Variants in TRRAP observed in about 807,000 individuals in gnomAD.
The protein encoded by TRRAP is transformation/transcription domain associated protein.
TRRAP carries 41 observed loss-of-function variants against 438.8 expected under a neutral mutation model. That is an observed-to-expected ratio of 0.09 (90% CI 0.07 to 0.12). The LOEUF is 0.12. Ranked by LOEUF, TRRAP falls within the 10% of genes least tolerant of loss-of-function variation. The pLI is 1.00. For synonymous variants in TRRAP, 1,994 were observed against 1,962.9 expected (o/e 1.02, Z -0.42); for missense variants, 3,122 against 5,055.1 (o/e 0.62, Z 11.60).
Position 99,012,102 on chromosome 7 carries a change from A to G in TRRAP, c.11369A>G (p.Asp3790Gly). 1 of 1,613,960 alleles carries G rather than the reference A, an allele frequency of 6.2e-7. No individual in the cohort carries two copies. The highest frequency in any genetic ancestry group is 8.5e-7 in the Non-Finnish European group (1 of 1,179,900). ...GGCATTCTGAAAACGGTTCTCCGGG[A>G]CGAGATCATTGCTTGGCACAAAAAA... Reference protein sequence around the residue: ...VDGILKTVLRDEIIAWHKKTQ... With the variant: ...VDGILKTVLRGEIIAWHKKTQ... The change falls in exon 73 of 73, where the codon GAC becomes GGC. Residue 3790 changes from aspartate to glycine, a missense_variant. By Grantham distance (94) the Asp-to-Gly change is moderately conservative. Around this residue, in one of 24 missense-constraint regions of TRRAP, gnomAD observed 192 missense variants for 355.6 expected, o/e 0.54. Transcript: ENST00000456197. The surrounding 1 kb of genome is among the most constrained non-coding windows in gnomAD (Gnocchi z 5.9).
intron 30 of TRRAP, among the ~76,000 whole-genome samples, chr7:98,940,480 T>C (rs1790751537): frequency 1.3e-5 from 2 of 152,196 alleles, no homozygotes; most frequent in African/African-American, 4.8e-5. Flanking sequence ...GTCTAACCCT[T>C]CAGACCTGCT....
chr7:98,988,317 G>A (rs564018729), intron 62 of TRRAP, among the ~76,000 whole-genome samples: 1 of 152,304 alleles, frequency 6.6e-6, no homozygotes, highest in Non-Finnish European at 1.5e-5. Flanking sequence ...ACCTGTTCGG[G>A]AATGTTTGTA....
At chr7:98,983,616 G>A in intron 60 of TRRAP, 157 bp downstream of exon 60, 1 of 759,748 alleles carries the variant, frequency 1.3e-6, no homozygotes, top group East Asian at 2.7e-5. Flanking sequence ...GGTGGTAATG[G>A]TACAGGGAAA....
chr7:99,002,234 C>G (rs571449589), intron 67 of TRRAP, among the ~76,000 whole-genome samples: 66 of 152,308 alleles, frequency 4.3e-4, no homozygotes, highest in Middle Eastern at 3.4e-3. Flanking sequence ...CGAGGCCACA[C>G]AGTGACATGA....
chr7:98,960,755 CTT>C (rs397890326), intron 45 of TRRAP, among the ~76,000 whole-genome samples: 103 of 98,652 alleles, frequency 1.0e-3, no homozygotes, highest in Admixed American at 2.7e-3. Context: ...CCATGCCTGG[CTT>C]TTTGTGTGTG....
In TRRAP at chr7:98,965,825, A is replaced by G. The variant is rs1300366668; in HGVS notation, c.7106A>G (p.Lys2369Arg). Reference sequence around the variant, plus strand: ...CTCATCGAAAAATCACCAGATGCCAAAATCCTCCGGGCTGTGGTCAAAATC... The same window carrying G: ...CTCATCGAAAAATCACCAGATGCCAGAATCCTCCGGGCTGTGGTCAAAATC... ...TSLIEKSPDA[K>R]ILRAVVKIVE... Residue 2369 changes from lysine (K) to arginine (R), a missense_variant, in exon 49 of 73, where the codon AAA becomes AGA. Lys to Arg is a conservative substitution (Grantham distance 26, BLOSUM62 2). Coordinates refer to ENST00000456197, the MANE Select transcript of TRRAP (RefSeq NM_001375524.1). The G allele has an allele frequency of 3.1e-6, 5 of 1,614,142 alleles. No individual in the cohort carries two copies. Among genetic ancestry groups the G allele is most frequent in the East Asian group, 2.2e-5 (1 of 44,874 alleles).
chr7:98,995,334 GAGACAGGGTCCGGTGGGCCCATGGA>G (rs1301128458), intron 67 of TRRAP, among the ~76,000 whole-genome samples: 52 of 151,398 alleles, frequency 3.4e-4, no homozygotes, highest in African/African-American at 1.2e-3. Flanking sequence ...GGGCCAGTGG[GAGACAGGGTCCGGTGGGCCCATGGA>G]AGACTGGGTC....
At chr7:98,900,272 T>A (rs1341044803) in intron 10 of TRRAP, among the ~76,000 whole-genome samples, 3 of 152,152 alleles carry the variant, frequency 2.0e-5, no homozygotes, top group Admixed American at 2.0e-4. Flanking sequence ...GAGGGCAGCA[T>A]CTGAGGAGGA....
At chr7:98,938,872 A>C (rs373359141) in intron 30 of TRRAP, among the ~76,000 whole-genome samples, 2 of 152,230 alleles carry the variant, frequency 1.3e-5, no homozygotes, top group South Asian at 4.1e-4. Context: ...TTGCTCTCCA[A>C]AGAAATTTTT....
intron 64 of TRRAP, among the ~76,000 whole-genome samples, chr7:98,991,476 T>G (rs1793431927): frequency 6.6e-6 from 1 of 152,186 alleles, no homozygotes; most frequent in South Asian, 2.1e-4. Context: ...GCACTTATCC[T>G]CAGGATGCAG....
chr7:98,942,106 T>A (rs1790822605), intron 30 of TRRAP, among the ~76,000 whole-genome samples: 1 of 152,326 alleles, frequency 6.6e-6, no homozygotes, highest in East Asian at 1.9e-4. Context: ...TCTGCCTGGT[T>A]TTGCTGGACA....
At chr7:98,961,644 G>C (rs1397692166) in intron 46 of TRRAP, among the ~76,000 whole-genome samples, 170 bp downstream of exon 46, 1 of 152,246 alleles carries the variant, frequency 6.6e-6, no homozygotes, top group Non-Finnish European at 1.5e-5. Flanking sequence ...AATGGGCCGG[G>C]TGTGGTGGCT....
At chr7:98,932,034 C>T (rs1303017967) in intron 26 of TRRAP, among the ~76,000 whole-genome samples, 1 of 151,946 alleles carries the variant, frequency 6.6e-6, no homozygotes, top group Non-Finnish European at 1.5e-5. Flanking sequence ...CCTGCCTCAG[C>T]CTCCTAAGTA....
In TRRAP at chr7:99,011,268, G is replaced by T; in HGVS notation, c.11142+13G>T. ...ACAGATCGCTCAGGTAACCTGCTTT[G>T]AACAGCCAGATCCTCTCCTCGTGAC... On this transcript the variant is annotated intron_variant, in intron 71 of 72. Transcript: ENST00000456197. The surrounding 1 kb of genome is among the most constrained non-coding windows in gnomAD (Gnocchi z 7.1). The T allele has an allele frequency of 6.2e-7, 1 of 1,613,906 alleles. No individual in the cohort carries two copies. Among genetic ancestry groups the T allele is most frequent in the Non-Finnish European group, 8.5e-7 (1 of 1,179,812 alleles).
intron 52 of TRRAP, 122 bp downstream of exon 52, chr7:98,970,413 T>C (rs1301722915): frequency 8.0e-6 from 10 of 1,247,874 alleles, no homozygotes; most frequent in Non-Finnish European, 1.1e-5. Flanking sequence ...AGAGAGGAGG[T>C]GAGGCCCCGC....
rs545552674 is a variant in TRRAP, at chr7:98,932,215, G to A, written c.3852+550G>A. 3.9e-5 allele frequency among the ~76,000 whole-genome samples: 6 copies of A among 152,090 alleles called. No individual in the cohort carries two copies. In the South Asian group the frequency reaches 1.2e-3, roughly 32 times the overall value. The stretch of plus-strand genomic sequence containing the variant: ...TGCAAGCTCTGCCTCCCAGGTTCAC[G>A]CCATTCTCCTGCCTCAGCCTCCCAA... On this transcript the variant is annotated intron_variant, in intron 26 of 72. Coordinates refer to ENST00000456197, the MANE Select transcript of TRRAP (RefSeq NM_001375524.1).
At position 98,931,493 on chromosome 7, in the gene TRRAP, C is replaced by T. The variant is rs1790322641; in HGVS notation, c.3680C>T (p.Ala1227Val). 1 of 1,613,950 alleles carries T rather than the reference C, an allele frequency of 6.2e-7. No individual in the cohort carries two copies. The highest frequency in any genetic ancestry group is 1.1e-5 in the South Asian group (1 of 91,066). The change falls in exon 26 of 73, where the codon GCC becomes GTC. Residue 1227 changes from alanine (A) to valine (V), a missense_variant. This residue lies in a region of TRRAP where 153 missense variants were observed against 223.0 expected (regional missense o/e 0.69). Transcript: ENST00000456197. ...ACGCCTTTAAAAGACGAGGAGAGAG[C>T]CGAAGAGATCGTGGCCGCCCAGGAA... ...CATPLKDEER[A>V]EEIVAAQEKS...
intron 31 of TRRAP, among the ~76,000 whole-genome samples, chr7:98,944,189 C>G (rs1554416283): frequency 6.6e-6 from 1 of 152,102 alleles, no homozygotes. Flanking sequence ...CTCCCTCTCT[C>G]ATCTGTTAGG....
At chr7:98,912,259 A>C (rs1789306787) in intron 18 of TRRAP, 46 bp downstream of exon 18, 1 of 1,588,020 alleles carries the variant, frequency 6.3e-7, no homozygotes, top group African/African-American at 1.4e-5. Flanking sequence ...AGGGTTTTTT[A>C]TTGTTGTTAG....
Sources: allele counts gnomAD v4.1 joint callset (sites outside exome capture counted in the v4.1 genomes callset), GRCh38; gene constraint gnomAD v4.1.1; regional missense constraint gnomAD v4.1.1; non-coding constraint Gnocchi (gnomAD v3.1); transcripts MANE v1.5; gene names NCBI Gene and HGNC (gene_info 2026-07-23, HGNC 2026-07-21).